The following PRICKLE2 variants were observed in gnomAD, a reference collection of about 807,000 sequenced individuals.
PRICKLE2 encodes the protein prickle planar cell polarity protein 2.
PRICKLE2 carries 21 observed loss-of-function variants against 81.4 expected under a neutral mutation model. The ratio of observed to expected loss-of-function variants is 0.26; its 90% CI spans 0.18 to 0.37. The LOEUF is 0.37. Ranked by LOEUF, PRICKLE2 falls within the 10% of genes least tolerant of loss-of-function variation. The pLI, the probability that PRICKLE2 is intolerant of heterozygous loss-of-function variation, is 1.00. For synonymous variants in PRICKLE2, 456 were observed against 421.5 expected, an observed-to-expected ratio of 1.08 and a Z score of -1.00; for missense variants, 940 against 1,109.0, an observed-to-expected ratio of 0.85 and a Z score of 2.16.
At chr3:64,105,786 T>C (rs1213140386) in intron 7 of PRICKLE2, 1 of 152,226 alleles carries the variant, frequency 6.6e-6, no homozygotes, top group Non-Finnish European at 1.5e-5. Context: ...GAAGCACTCC[T>C]TTCCCCTCTA....
chr3:64,245,479 C>A (rs2079333760), intron 2 of PRICKLE2, among the ~76,000 whole-genome samples: 1 of 152,182 alleles, frequency 6.6e-6, no homozygotes, highest in Non-Finnish European at 1.5e-5. Context: ...TAGATTGCTG[C>A]TTCTGTTTGG....
chr3:64,238,956 C>G (rs2079221720), intron 2 of PRICKLE2, among the ~76,000 whole-genome samples: 2 of 152,166 alleles, frequency 1.3e-5, no homozygotes, highest in Admixed American at 1.3e-4. Context: ...CATGGAATCC[C>G]TGGCAGCCAG....
In PRICKLE2 at chr3:64,252,933, C is replaced by T. The variant is rs374617455; in HGVS notation, c.129-53966G>A. Among the ~76,000 whole-genome samples, 20 of 152,206 alleles carry T rather than the reference C, an allele frequency of 1.3e-4. No homozygotes were observed. In the East Asian group the frequency reaches 1.9e-3, roughly 15 times the overall value. On this transcript the variant is annotated intron_variant, in intron 2 of 8. Transcript: ENST00000295902. Reference sequence around the variant, plus strand: ...ATGGATATGTTCCTATAAAACTTTACGAAAACAGGATGCAGGTTGGATTCA... The same window carrying T: ...ATGGATATGTTCCTATAAAACTTTATGAAAACAGGATGCAGGTTGGATTCA...
chr3:64,164,651 C>G (rs1430115607), intron 2 of PRICKLE2, among the ~76,000 whole-genome samples: 1 of 152,142 alleles, frequency 6.6e-6, no homozygotes, highest in Non-Finnish European at 1.5e-5. Flanking sequence ...ATCCCAGAGG[C>G]AACTATAAAG....
rs375755312 is a variant in PRICKLE2, at chr3:64,147,450, G to A, written c.1040C>T (p.Thr347Met). The change falls in exon 7 of 8, where the codon ACG becomes ATG. Residue 347 changes from threonine to methionine, a missense_variant. This residue lies in a region of PRICKLE2 where 670 missense variants were observed against 717.2 expected (regional missense o/e 0.93). Coordinates refer to ENST00000638394, the MANE Select transcript of PRICKLE2 (RefSeq NM_198859.4). This position sits in a 1 kb window ranked among gnomAD's most constrained non-coding sequence, Gnocchi z 5.0. ...GTGCTGGTTCAGCATGGGCTCCTCC[G>A]TCTTGCCCTTGTTCTTGCCAATTTT... ...SAKIGKNKGK[T>M]EEPMLNQHSQ... The A allele has an allele frequency of 4.8e-5, 77 of 1,614,110 alleles. No homozygotes were observed. Among genetic ancestry groups the A allele is most frequent in the African/African-American group, 6.7e-5 (5 of 74,944 alleles).
intron 2 of PRICKLE2, among the ~76,000 whole-genome samples, chr3:64,244,349 T>A (rs1417323818): frequency 1.3e-5 from 2 of 152,146 alleles, no homozygotes; most frequent in African/African-American, 4.8e-5. Context: ...GTCTTGTCAT[T>A]TTCAGGGAGG....
intron 2 of PRICKLE2, among the ~76,000 whole-genome samples, chr3:64,177,359 A>T (rs925333711): frequency 3.3e-5 from 5 of 150,646 alleles, no homozygotes; most frequent in Non-Finnish European, 5.9e-5. Context: ...CTGGTCTCGA[A>T]CTCCTGACCT....
rs1048826209 is a variant in PRICKLE2 at position 64,232,111 on chromosome 3, G to A, written c.129-33144C>T. Among the ~76,000 whole-genome samples, 49 of 152,200 alleles carry A rather than the reference G, an allele frequency of 3.2e-4. 1 individual carries two copies. Among genetic ancestry groups the A allele is most frequent in the Non-Finnish European group, 7.4e-5 (5 of 68,026 alleles). On this transcript the variant is annotated intron_variant, in intron 2 of 8. Transcript: ENST00000295902. ...TACATAGAGTGTTGCACTCTTAGAT[G>A]TGTGTCCTTTCCCTTAGGACTCTCA... is the stretch of plus-strand genomic sequence containing the variant.
At position 64,257,436 on chromosome 3, in the gene PRICKLE2, T is replaced by C. The variant is rs139602180; in HGVS notation, c.129-58469A>G. On this transcript the variant is annotated intron_variant, in intron 2 of 8. Coordinates refer to the PRICKLE2 transcript ENST00000295902. ...GAGGCCTGATGGAGAAGAAAAGGCA[T>C]ATGTGCAGCCCATCATGTCTCTCCT... is the stretch of plus-strand genomic sequence containing the variant. 1.9e-3 allele frequency among the ~76,000 whole-genome samples: 291 copies of C among 152,154 alleles called. 2 individuals are homozygous for C. Among genetic ancestry groups the C allele is most frequent in the East Asian group, 0.015 (78 of 5,164 alleles).
At chr3:64,177,228 C>G (rs1166911810) in intron 2 of PRICKLE2, among the ~76,000 whole-genome samples, 1 of 147,484 alleles carries the variant, frequency 6.8e-6, no homozygotes, top group African/African-American at 2.5e-5. Context: ...CTCCGTCTCC[C>G]GGGTTCAAGT....
chr3:64,248,376 G>A (rs1387097038), intron 2 of PRICKLE2, among the ~76,000 whole-genome samples: 1 of 152,150 alleles, frequency 6.6e-6, no homozygotes, highest in Non-Finnish European at 1.5e-5. Flanking sequence ...TCCCCAATAA[G>A]TTTCCAATGA....
rs965835561 is a variant in PRICKLE2 at position 64,096,314 on chromosome 3, G to A, written c.*2737C>T. On this transcript the variant is annotated 3_prime_UTR_variant, in exon 8 of 8. Transcript: ENST00000638394. ...AGGAGCTTGTCCAATAAGAGTTAATGGTTGTGATGGAGGAATTAGGTGAGG... is the reference window on the plus strand; with the variant it reads ...AGGAGCTTGTCCAATAAGAGTTAATAGTTGTGATGGAGGAATTAGGTGAGG... 6.6e-6 allele frequency: 1 copy of A among 152,198 alleles called. No homozygotes were observed. The highest frequency in any genetic ancestry group is 1.5e-5 in the Non-Finnish European group (1 of 68,052). The allele number at this position is 152,198 out of a possible 1,614,324, so 9.4% of individuals were successfully genotyped here. A position where few individuals can be genotyped will look rare whatever the true frequency, so the allele number is the denominator to read the frequency against.
chr3:64,243,728 G>T (rs1286681017), intron 2 of PRICKLE2, among the ~76,000 whole-genome samples: 1 of 152,170 alleles, frequency 6.6e-6, no homozygotes, highest in African/African-American at 2.4e-5. Flanking sequence ...TGTCAGTTAT[G>T]ATTATTAAGA....
At chr3:64,229,119 G>A (rs114984106), upstream of PRICKLE2, among the ~76,000 whole-genome samples, 1,515 of 152,268 alleles carry the variant, frequency 9.9e-3, 28 homozygotes, top group African/African-American at 0.034. Context: ...AAGAACATGA[G>A]TAGGAAGGAA....
intron 2 of PRICKLE2, among the ~76,000 whole-genome samples, chr3:64,254,204 C>T (rs2079492041): frequency 6.6e-6 from 1 of 152,094 alleles, no homozygotes; most frequent in Admixed American, 6.5e-5. Context: ...TAAGCCAGAG[C>T]CTCATTACTA....
rs780771278 is a variant in PRICKLE2, at chr3:64,160,007, C to T, written c.329G>A (p.Arg110His). ...ELKLFSSQRK[R>H]ENLGRGNVRP... ...GACATTCCCGCGGCCCAAGTTTTCGCGTTTCCTCTGGCTGCTGAAAAGCTT... is the reference window on the plus strand; with the variant it reads ...GACATTCCCGCGGCCCAAGTTTTCGTGTTTCCTCTGGCTGCTGAAAAGCTT... The change falls in exon 4 of 8, where the codon CGC becomes CAC. Residue 110 changes from arginine (R) to histidine (H), a missense_variant. Around this residue, in one of 2 missense-constraint regions of PRICKLE2, gnomAD observed 270 missense variants for 391.8 expected, o/e 0.69. Coordinates refer to ENST00000638394, the MANE Select transcript of PRICKLE2 (RefSeq NM_198859.4). 1.4e-5 allele frequency: 22 copies of T among 1,614,028 alleles called. No individual in the cohort carries two copies. Among genetic ancestry groups the T allele is most frequent in the South Asian group, 5.5e-5 (5 of 91,082 alleles).
At chr3:64,131,746 A>C (rs1047222739) in intron 7 of PRICKLE2, among the ~76,000 whole-genome samples, 7 of 152,194 alleles carry the variant, frequency 4.6e-5, no homozygotes, top group Admixed American at 4.6e-4. Context: ...ATAAATGGAA[A>C]GTTCTCCACC....
intron 7 of PRICKLE2, among the ~76,000 whole-genome samples, chr3:64,111,093 A>T (rs1296138640): frequency 1.3e-5 from 2 of 152,082 alleles, no homozygotes; most frequent in Admixed American, 6.6e-5. Flanking sequence ...TGTCCCTTGA[A>T]GCTGTGCCTT....
upstream of PRICKLE2, among the ~76,000 whole-genome samples, chr3:64,228,672 A>G (rs1195459503): frequency 1.3e-5 from 2 of 152,162 alleles, no homozygotes; most frequent in South Asian, 2.1e-4. Flanking sequence ...CACATTCATG[A>G]CAGCAAACTT....
Sources: allele counts gnomAD v4.1 joint callset (sites outside exome capture counted in the v4.1 genomes callset), GRCh38; gene constraint gnomAD v4.1.1; regional missense constraint gnomAD v4.1.1; non-coding constraint Gnocchi (gnomAD v3.1); transcripts MANE v1.5; gene names NCBI Gene and HGNC (gene_info 2026-07-23, HGNC 2026-07-21).